The following DTNA variants were observed in gnomAD, a reference collection of about 807,000 sequenced individuals.
DTNA encodes dystrophin-related protein 3.
Under a neutral mutation model 100.7 loss-of-function variants are expected in DTNA, and 43 were observed. The observed-to-expected ratio is 0.43, with a 90% confidence interval of 0.33 to 0.55. The LOEUF is 0.55. Among genes scored for constraint, DTNA ranks in the 20% least tolerant of loss-of-function variants. The pLI is 0.04. For synonymous variants in DTNA, 349 were observed against 347.9 expected, an observed-to-expected ratio of 1.00 and a Z score of -0.04; for missense variants, 798 against 953.9, an observed-to-expected ratio of 0.84 and a Z score of 2.15.
intron 2 of DTNA, 61 bp downstream of exon 2, chr18:34,756,104 A>G: frequency 6.6e-7 from 1 of 1,509,938 alleles, no homozygotes; most frequent in African/African-American, 1.4e-5. Flanking sequence ...TGGAAAGGCT[A>G]GAAATAACCA....
intron 1 of DTNA, among the ~76,000 whole-genome samples, chr18:34,703,137 G>A (rs1028624672): frequency 5.9e-5 from 9 of 152,164 alleles, no homozygotes; most frequent in African/African-American, 1.7e-4. Context: ...AATGTGGATT[G>A]TCGGGTTTCT....
intron 1 of DTNA, among the ~76,000 whole-genome samples, chr18:34,628,372 A>G (rs2057625144): frequency 6.6e-6 from 1 of 152,246 alleles, no homozygotes. Context: ...CATGTGACAC[A>G]GTGATTTCTT....
intron 1 of DTNA, among the ~76,000 whole-genome samples, chr18:34,643,380 A>G (rs1458518129): frequency 2.6e-5 from 4 of 152,244 alleles, no homozygotes; most frequent in African/African-American, 9.6e-5. Flanking sequence ...TTATTTTGTG[A>G]TAAGAGTCTA....
chr18:34,523,968 C>T (rs1167781929), intron 1 of DTNA, among the ~76,000 whole-genome samples: 1 of 152,128 alleles, frequency 6.6e-6, no homozygotes, highest in Non-Finnish European at 1.5e-5. Flanking sequence ...TGGTTGACTT[C>T]TGTTTATGGT....
chr18:34,805,604 C>T (rs148076388), intron 4 of DTNA, among the ~76,000 whole-genome samples: 122 of 152,246 alleles, frequency 8.0e-4, no homozygotes, highest in Non-Finnish European at 1.4e-3. Context: ...GGATTACAGA[C>T]GTAAGCCACC....
intron 1 of DTNA, among the ~76,000 whole-genome samples, chr18:34,737,321 A>G (rs922236124): frequency 5.9e-5 from 9 of 152,216 alleles, no homozygotes; most frequent in Admixed American, 4.6e-4. Context: ...GTACAAAATT[A>G]CTTTGTAAAG....
chr18:34,711,133 A>T (rs1600614790), intron 1 of DTNA, among the ~76,000 whole-genome samples: 1 of 152,144 alleles, frequency 6.6e-6, no homozygotes, highest in Admixed American at 6.5e-5. Context: ...TTTTGCTTAG[A>T]GGCTGGTAGG....
At chr18:34,732,681 A>G (rs1428543815) in intron 1 of DTNA, among the ~76,000 whole-genome samples, 3 of 152,230 alleles carry the variant, frequency 2.0e-5, no homozygotes, top group Non-Finnish European at 4.4e-5. Flanking sequence ...AAGCAAAGAA[A>G]ATTAAATCAC....
At chr18:34,875,118 T>C in intron 17 of DTNA, 121 bp from the exon 18 acceptor site, 1 of 1,422,312 alleles carries the variant, frequency 7.0e-7, no homozygotes, top group Non-Finnish European at 9.6e-7. Flanking sequence ...CACAATTACC[T>C]AGGATTTCCT....
At chr18:34,785,031 C>T (rs758245720) in intron 3 of DTNA, among the ~76,000 whole-genome samples, 6 of 151,512 alleles carry the variant, frequency 4.0e-5, no homozygotes, top group Non-Finnish European at 8.8e-5. Context: ...TCTCCTGCCT[C>T]AGCCTCCCGA....
At chr18:34,542,067 C>T (rs990943421) in intron 1 of DTNA, among the ~76,000 whole-genome samples, 5 of 152,024 alleles carry the variant, frequency 3.3e-5, no homozygotes, top group Admixed American at 6.6e-5. Flanking sequence ...GGCATCCCCT[C>T]AGTCTAGCTG....
Position 34,793,894 on chromosome 18 carries a change from A to G in DTNA, c.149-143A>G. 8.9e-6 allele frequency: 7 copies of G among 786,874 alleles called. No homozygotes were observed. In the South Asian group the frequency reaches 9.2e-5, roughly 10 times the overall value. The allele number at this position is 786,874 out of a possible 1,614,324, so 48.7% of individuals were successfully genotyped here. A position where few individuals can be genotyped will look rare whatever the true frequency, so the allele number is the denominator to read the frequency against. ...AAGTCTTAGAGATAATGCACAGCCT[A>G]TGTTCATTTACTTATGTTGACCCCC... On this transcript the variant is annotated intron_variant, in intron 3 of 22. Transcript: ENST00000444659.
At chr18:34,499,271 G>A (rs186228057) in intron 1 of DTNA, among the ~76,000 whole-genome samples, 23 of 152,278 alleles carry the variant, frequency 1.5e-4, no homozygotes, top group Non-Finnish European at 2.5e-4. Flanking sequence ...TCCACTCAGC[G>A]TAGTTTTCTG....
chr18:34,782,105 G>T (rs2094347925), intron 3 of DTNA, among the ~76,000 whole-genome samples: 1 of 152,228 alleles, frequency 6.6e-6, no homozygotes, highest in South Asian at 2.1e-4. Flanking sequence ...TAAAGGGAAA[G>T]CTTCTAAAGA....
chr18:34,577,685 T>A (rs2048237254), intron 1 of DTNA, among the ~76,000 whole-genome samples: 1 of 152,200 alleles, frequency 6.6e-6, no homozygotes. Flanking sequence ...GAACATATGA[T>A]GTTTGGTTTT....
intron 1 of DTNA, among the ~76,000 whole-genome samples, chr18:34,734,600 T>C (rs1255150262): frequency 2.0e-5 from 3 of 152,196 alleles, no homozygotes; most frequent in African/African-American, 7.2e-5. Context: ...AGGGCAATCT[T>C]AGCAGATTTG....
chr18:34,634,520 G>A (rs117504245), intron 1 of DTNA, among the ~76,000 whole-genome samples: 2,369 of 152,136 alleles, frequency 0.016, 35 homozygotes, highest in Middle Eastern at 0.051. Context: ...TTGAATTCTC[G>A]TAATTGCTTC....
At chr18:34,606,105 G>A (rs1598956631) in intron 1 of DTNA, among the ~76,000 whole-genome samples, 1 of 152,244 alleles carries the variant, frequency 6.6e-6, no homozygotes, top group Middle Eastern at 3.4e-3. Flanking sequence ...TTTATAAAAG[G>A]AAGACTTTGG....
intron 1 of DTNA, among the ~76,000 whole-genome samples, chr18:34,537,331 T>C (rs1010809436): frequency 6.6e-6 from 1 of 151,946 alleles, no homozygotes; most frequent in African/African-American, 2.4e-5. Context: ...ATAGCAAACG[T>C]AACAATCTAC....
Sources: gnomAD v4.1 joint callset for allele counts (sites outside exome capture counted in the v4.1 genomes callset) on GRCh38, gnomAD v4.1.1 for gene constraint, MANE v1.5 for transcripts, NCBI Gene and HGNC (gene_info 2026-07-23, HGNC 2026-07-21) for gene names.